ELOVL7: variants seen among roughly 807,000 people sequenced by gnomAD.
The protein encoded by ELOVL7 is ELOVL fatty acid elongase 7.
In ELOVL7, 27 loss-of-function variants were observed where a neutral mutation model predicts 35.7. That is an observed-to-expected ratio of 0.76 (90% CI 0.56 to 1.04). The LOEUF (loss-of-function observed/expected upper bound fraction) is 1.04. Ranked by LOEUF, ELOVL7 falls within the 50% of genes least tolerant of loss-of-function variation. The probability of loss-of-function intolerance (pLI) is 0.00; values close to 1 mark genes in which losing one functional copy is unlikely to be tolerated. For missense variants in ELOVL7, 327 were observed against 340.8 expected, an observed-to-expected ratio of 0.96 and a Z score of 0.32; for synonymous variants, 113 against 114.6, an observed-to-expected ratio of 0.99 and a Z score of 0.09.
Position 60,814,238 on chromosome 5 carries a change from T to A in ELOVL7, c.-85-15008A>T, listed in dbSNP as rs1017961155. Among the ~76,000 whole-genome samples, 10 of 152,308 alleles carry A rather than the reference T, an allele frequency of 6.6e-5. No individual in the cohort carries two copies. In the South Asian group the frequency reaches 1.4e-3, roughly 22 times the overall value. On this transcript the variant is annotated intron_variant, in intron 1 of 8. Transcript: ENST00000508821. ...ATAAAATTTTCATAATGAGTTATTA[T>A]GAAATCTGTGAAATGGGTCAAAAAT...
In ELOVL7 at chr5:60,837,436, G is replaced by A. The variant is rs577027095; in HGVS notation, c.-86+6724C>T. 3.3e-5 allele frequency among the ~76,000 whole-genome samples: 5 copies of A among 151,766 alleles called. No individual in the cohort carries two copies. In the South Asian group the frequency reaches 1.0e-3, roughly 32 times the overall value. On this transcript the variant is annotated intron_variant, in intron 1 of 8. Coordinates refer to ENST00000508821, the MANE Select transcript of ELOVL7 (RefSeq NM_024930.3). ...CACAACATTGCACTTCAAACTGGGT[G>A]ACACAGTGAGACTCCACCTCAAAAA...
At chr5:60,842,350 A>G (rs1747222534) in intron 1 of ELOVL7, among the ~76,000 whole-genome samples, 1 of 152,126 alleles carries the variant, frequency 6.6e-6, no homozygotes, top group South Asian at 2.1e-4. Context: ...TTTTGGGGAA[A>G]AGCCGGGCAA....
chr5:60,767,884 C>A lies in ELOVL7; in HGVS notation c.275G>T (p.Gly92Val). 1.2e-6 allele frequency: 2 copies of A among 1,613,734 alleles called. No individual in the cohort carries two copies. Among genetic ancestry groups the A allele is most frequent in the Middle Eastern group, 1.7e-4 (1 of 6,058 alleles). Reference sequence around the variant, plus strand: ...GTCACATCGAAATGAATAACCTATACCCCAGCCAGACATCACAAACTGCAA... The same window carrying A: ...GTCACATCGAAATGAATAACCTATAACCCAGCCAGACATCACAAACTGCAA... ...MCYEFVMSGW[G>V]IGYSFRCDIV... The change falls in exon 5 of 9, where the codon GGT (glycine) becomes GTT (valine). Residue 92 changes from glycine (G) to valine (V), a missense_variant. Coordinates refer to ENST00000508821, the MANE Select transcript of ELOVL7 (RefSeq NM_024930.3).
intron 1 of ELOVL7, among the ~76,000 whole-genome samples, chr5:60,807,569 G>A (rs184043604): frequency 6.6e-6 from 1 of 150,648 alleles, no homozygotes; most frequent in African/African-American, 2.4e-5. Flanking sequence ...CAAATAAACT[G>A]TGGGGGGAAA....
At chr5:60,809,838 G>T (rs1745145068) in intron 1 of ELOVL7, among the ~76,000 whole-genome samples, 1 of 152,114 alleles carries the variant, frequency 6.6e-6, no homozygotes, top group African/African-American at 2.4e-5. Flanking sequence ...GTGGTGAATG[G>T]AACAACAGGG....
At chr5:60,838,015 T>TA (rs1318796855) in intron 1 of ELOVL7, among the ~76,000 whole-genome samples, 1 of 152,178 alleles carries the variant, frequency 6.6e-6, no homozygotes, top group Non-Finnish European at 1.5e-5. Context: ...AAAGGCCTGA[T>TA]GGGAGGAGGA....
intron 3 of ELOVL7, among the ~76,000 whole-genome samples, chr5:60,775,879 G>A (rs995616745): frequency 2.6e-5 from 4 of 152,116 alleles, no homozygotes; most frequent in Admixed American, 1.3e-4. Flanking sequence ...AAAAATCCCA[G>A]GAGAAAACCT....
rs1745795442 is a variant in ELOVL7 at position 60,820,013 on chromosome 5, C to A, written c.-85-20783G>T. ...TGCATCCTTAAAAGTAGAGAACTGT[C>A]TCTGGCTGGAAGAAGGAGGATTTGA... On this transcript the variant is annotated intron_variant, in intron 1 of 8. Coordinates refer to ENST00000508821, the MANE Select transcript of ELOVL7 (RefSeq NM_024930.3). Among the ~76,000 whole-genome samples the A allele has an allele frequency of 2.0e-5, 3 of 152,316 alleles. No homozygotes were observed. The South Asian group carries it at 6.2e-4, about 32-fold the overall frequency.
chr5:60,787,212 C>A lies in ELOVL7; in HGVS notation c.64+122G>T, dbSNP rs1743652451. 5.9e-5 allele frequency: 43 copies of A among 728,630 alleles called. 3 individuals carry two copies. In the South Asian group the frequency reaches 7.2e-4, roughly 12 times the overall value. The allele number at this position is 728,630 out of a possible 1,614,324, so 45.1% of individuals were successfully genotyped here. ...AACCTGTGCACTTCCTCTTCGTTAACTAGTAATAAGGGACTGTTAAGTTGC... is the reference window on the plus strand; with the variant it reads ...AACCTGTGCACTTCCTCTTCGTTAAATAGTAATAAGGGACTGTTAAGTTGC... On this transcript the variant is annotated intron_variant, in intron 3 of 8. Transcript: ENST00000508821.
chr5:60,784,263 T>A, intron 3 of ELOVL7: 1 of 632,242 alleles, frequency 1.6e-6, no homozygotes, highest in Non-Finnish European at 2.5e-6. Flanking sequence ...AGTATTAAAG[T>A]TTCAGAATGG....
intron 1 of ELOVL7, among the ~76,000 whole-genome samples, chr5:60,841,718 T>C (rs1157564569): frequency 1.3e-5 from 2 of 152,256 alleles, no homozygotes; most frequent in East Asian, 3.8e-4. Context: ...CTTTTATGTA[T>C]GTGCTACGTT....
At chr5:60,781,461 A>G (rs933697911) in intron 3 of ELOVL7, among the ~76,000 whole-genome samples, 2 of 144,046 alleles carry the variant, frequency 1.4e-5, no homozygotes, top group African/African-American at 5.7e-5. Context: ...CAGGAGGGGG[A>G]AAAATCAAAT....
intron 8 of ELOVL7, among the ~76,000 whole-genome samples, chr5:60,757,007 C>G (rs952205025): frequency 2.6e-5 from 4 of 152,152 alleles, no homozygotes; most frequent in Non-Finnish European, 4.4e-5. Flanking sequence ...GGGCAGTATT[C>G]AAATTTAGGT....
intron 1 of ELOVL7, among the ~76,000 whole-genome samples, chr5:60,831,897 T>C (rs1807017): frequency 0.39 from 59,965 of 152,028 alleles, 12,994 homozygotes; most frequent in East Asian, 0.84. Context: ...TACCTAGATT[T>C]TCCCCTTCTA....
At chr5:60,807,040 G>A (rs780703619) in intron 1 of ELOVL7, among the ~76,000 whole-genome samples, 23 of 152,312 alleles carry the variant, frequency 1.5e-4, no homozygotes, top group Admixed American at 3.9e-4. Flanking sequence ...TCTACAACAC[G>A]GCAGGGTTCC....
intron 2 of ELOVL7, among the ~76,000 whole-genome samples, chr5:60,788,345 A>G (rs529818558): frequency 2.0e-5 from 3 of 152,328 alleles, no homozygotes; most frequent in Admixed American, 2.0e-4. Flanking sequence ...TCTAGAGATG[A>G]TGGTGGTGAT....
chr5:60,786,413 T>G (rs1743588706), intron 3 of ELOVL7, among the ~76,000 whole-genome samples: 1 of 152,180 alleles, frequency 6.6e-6, no homozygotes. Context: ...CAGAGATAAC[T>G]GCTAAACCCC....
intron 1 of ELOVL7, among the ~76,000 whole-genome samples, chr5:60,826,012 C>A (rs1337356440): frequency 2.0e-5 from 3 of 152,252 alleles, no homozygotes; most frequent in Non-Finnish European, 4.4e-5. Flanking sequence ...ACAGGCAGGG[C>A]ACATGGACTG....
chr5:60,824,524 T>A (rs1746062630), intron 1 of ELOVL7, among the ~76,000 whole-genome samples: 1 of 152,202 alleles, frequency 6.6e-6, no homozygotes, highest in African/African-American at 2.4e-5. Context: ...AGTGAAAAAG[T>A]AACAGTTAGA....
Sources: gnomAD v4.1 joint callset for allele counts (sites outside exome capture counted in the v4.1 genomes callset) on GRCh38, gnomAD v4.1.1 for gene constraint, MANE v1.5 for transcripts, NCBI Gene and HGNC (gene_info 2026-07-23, HGNC 2026-07-21) for gene names.